The following INPP4B variants were observed in gnomAD, a reference collection of about 807,000 sequenced individuals.
INPP4B encodes inositol polyphosphate 4-phosphatase type II.
Under a neutral mutation model 122.5 loss-of-function variants are expected in INPP4B, and 55 were observed. That is an observed-to-expected ratio of 0.45 (90% CI 0.36 to 0.56). The LOEUF (loss-of-function observed/expected upper bound fraction) is 0.56. INPP4B is among the 20% of genes least tolerant of loss of function. The probability of loss-of-function intolerance (pLI) is 0.00; values close to 1 mark genes in which losing one functional copy is unlikely to be tolerated. For missense variants in INPP4B, 1,000 were observed against 1,097.7 expected (o/e 0.91, Z 1.26); for synonymous variants, 403 against 388.7 (o/e 1.04, Z -0.43).
At chr4:142,268,259 C>G (rs1743813566) in intron 10 of INPP4B, among the ~76,000 whole-genome samples, 1 of 136,530 alleles carries the variant, frequency 7.3e-6, no homozygotes, top group Admixed American at 8.0e-5. Context: ...GGAGGCAGAG[C>G]TTGAAGTGAG....
chr4:142,316,400 G>A (rs886760622), intron 7 of INPP4B, among the ~76,000 whole-genome samples: 2 of 152,158 alleles, frequency 1.3e-5, no homozygotes, highest in African/African-American at 4.8e-5. Context: ...AATAGTGGTG[G>A]TGGACAATGT....
intron 2 of INPP4B, among the ~76,000 whole-genome samples, chr4:142,707,090 G>A (rs1762562357): frequency 6.6e-6 from 1 of 152,130 alleles, no homozygotes; most frequent in Non-Finnish European, 1.5e-5. Context: ...TCCCTGCACT[G>A]GATCAGCATC....
chr4:142,326,841 T>C lies in INPP4B; in HGVS notation c.373-12079A>G, dbSNP rs373917869. ...TACTTGTATTATTTCATTGTAGTTC[T>C]GTGTTGCATTATTATTGCTTTGCCC... On this transcript the variant is annotated intron_variant, in intron 7 of 25. Coordinates refer to ENST00000262992, the MANE Select transcript of INPP4B (RefSeq NM_001101669.3). 2.7e-4 allele frequency among the ~76,000 whole-genome samples: 41 copies of C among 152,336 alleles called. 1 individual carries two copies. The East Asian group carries it at 4.6e-3, about 17-fold the overall frequency.
intron 11 of INPP4B, among the ~76,000 whole-genome samples, chr4:142,244,619 A>C (rs1205557501): frequency 6.6e-6 from 1 of 152,016 alleles, no homozygotes; most frequent in Non-Finnish European, 1.5e-5. Context: ...TTCTTCATCC[A>C]GTCTATCACT....
chr4:142,672,392 C>A (rs893680675), intron 2 of INPP4B, among the ~76,000 whole-genome samples: 1 of 152,028 alleles, frequency 6.6e-6, no homozygotes, highest in African/African-American at 2.4e-5. Flanking sequence ...TAAATCCTTG[C>A]CAGACCTTGG....
chr4:142,744,682 T>C (rs779070074), intron 1 of INPP4B, among the ~76,000 whole-genome samples: 1 of 151,572 alleles, frequency 6.6e-6, no homozygotes, highest in Non-Finnish European at 1.5e-5. Flanking sequence ...AAAAATATCC[T>C]TCAAAAATAA....
chr4:142,819,060 G>A (rs1780492215), intron 1 of INPP4B, among the ~76,000 whole-genome samples: 1 of 152,160 alleles, frequency 6.6e-6, no homozygotes, highest in Admixed American at 6.5e-5. Flanking sequence ...TGCGTTGTGT[G>A]CTGGGATTAC....
chr4:142,213,494 A>T (rs1451315804), intron 12 of INPP4B, among the ~76,000 whole-genome samples: 1 of 152,194 alleles, frequency 6.6e-6, no homozygotes. Context: ...CAAACCCTGG[A>T]GTAACTGAGA....
chr4:142,290,299 C>A (rs1478564520), intron 9 of INPP4B, among the ~76,000 whole-genome samples: 10 of 147,696 alleles, frequency 6.8e-5, no homozygotes, highest in Non-Finnish European at 7.4e-5. Flanking sequence ...TTCTGCTACC[C>A]AGGTTCAAGC....
intron 3 of INPP4B, among the ~76,000 whole-genome samples, chr4:142,462,334 A>G (rs144163919): frequency 8.9e-4 from 136 of 152,274 alleles, no homozygotes; most frequent in African/African-American, 3.2e-3. Context: ...GATTTGTCCA[A>G]TTCTATAAAA....
chr4:142,291,797 T>C (rs2291338), intron 9 of INPP4B, among the ~76,000 whole-genome samples: 15,888 of 152,246 alleles, frequency 0.1, 919 homozygotes, highest in South Asian at 0.22. Context: ...CTAAAAATTA[T>C]ATTTTCATTT....
chr4:142,791,593 G>C (rs754751808), intron 1 of INPP4B, among the ~76,000 whole-genome samples: 4 of 152,038 alleles, frequency 2.6e-5, no homozygotes, highest in Non-Finnish European at 4.4e-5. Context: ...CATGGGCCTT[G>C]ATTTCTTCTT....
At chr4:142,295,266 T>G (rs910842035) in intron 9 of INPP4B, among the ~76,000 whole-genome samples, 20 of 152,212 alleles carry the variant, frequency 1.3e-4, no homozygotes, top group African/African-American at 4.6e-4. Context: ...CTTTTCGCCA[T>G]ACTTCTTGTA....
At chr4:142,344,573 C>T (rs1390919329) in intron 7 of INPP4B, among the ~76,000 whole-genome samples, 1 of 152,002 alleles carries the variant, frequency 6.6e-6, no homozygotes, top group African/African-American at 2.4e-5. Flanking sequence ...CAGCTGTACA[C>T]TTTTCAGTGA....
Position 142,666,218 on chromosome 4 carries a change from G to A in INPP4B, c.-191+59621C>T, listed in dbSNP as rs190571770. Among the ~76,000 whole-genome samples, 112 of 152,164 alleles carry A rather than the reference G, an allele frequency of 7.4e-4. No homozygotes were observed. The South Asian group carries it at 7.7e-3, about 10-fold the overall frequency. On this transcript the variant is annotated intron_variant, in intron 2 of 25. Transcript: ENST00000262992. The stretch of plus-strand genomic sequence containing the variant: ...AACTAGGAAGGTATTGCTTATTTTT[G>A]TGTAATTGATCCATAATTCCTAATT...
At chr4:142,619,497 A>G (rs1405836237) in intron 2 of INPP4B, among the ~76,000 whole-genome samples, 3 of 152,108 alleles carry the variant, frequency 2.0e-5, no homozygotes, top group Admixed American at 1.3e-4. Flanking sequence ...ACAGAAGAAT[A>G]AATGCTGGAT....
At chr4:142,451,808 T>A (rs1236606888) in intron 3 of INPP4B, among the ~76,000 whole-genome samples, 1 of 152,116 alleles carries the variant, frequency 6.6e-6, no homozygotes, top group Non-Finnish European at 1.5e-5. Context: ...ACAGAAGCAC[T>A]GAGCTTTTGG....
At chr4:142,379,957 G>C (rs958861948) in intron 7 of INPP4B, among the ~76,000 whole-genome samples, 2 of 152,190 alleles carry the variant, frequency 1.3e-5, no homozygotes, top group African/African-American at 4.8e-5. Context: ...AAGCCACTAG[G>C]CAAATGGTGA....
At chr4:142,813,603 C>T (rs778445965) in intron 1 of INPP4B, among the ~76,000 whole-genome samples, 33 of 152,224 alleles carry the variant, frequency 2.2e-4, no homozygotes, top group Non-Finnish European at 3.8e-4. Flanking sequence ...AAGAAATAAA[C>T]AATATCACAT....
Sources: allele counts gnomAD v4.1 joint callset (sites outside exome capture counted in the v4.1 genomes callset), GRCh38; gene constraint gnomAD v4.1.1; transcripts MANE v1.5; gene names NCBI Gene and HGNC (gene_info 2026-07-23, HGNC 2026-07-21).